HOMER2: variants seen among roughly 807,000 people sequenced by gnomAD.
HOMER2 encodes the protein homer scaffold protein 2, also known as homer protein homolog 2.
A neutral mutation model predicts 47.0 loss-of-function variants in HOMER2; 27 were observed. The ratio of observed to expected loss-of-function variants is 0.57; its 90% CI spans 0.42 to 0.79. The LOEUF (loss-of-function observed/expected upper bound fraction) is 0.79, where lower values mean the gene tolerates loss of function less well. Ranked by LOEUF, HOMER2 falls within the 30% of genes least tolerant of loss-of-function variation. The pLI is 0.00. For missense variants in HOMER2, 443 were observed against 435.0 expected (o/e 1.02, Z -0.16); for synonymous variants, 161 against 163.8 (o/e 0.98, Z 0.13).
At chr15:82,984,708 C>T (rs2030528956) in intron 1 of HOMER2, among the ~76,000 whole-genome samples, 2 of 152,046 alleles carry the variant, frequency 1.3e-5, no homozygotes, top group Admixed American at 1.3e-4. Flanking sequence ...TCCCAGCTCT[C>T]CGGAGGCTGA....
downstream of HOMER2, chr15:82,847,216 A>G (rs577364655): frequency 1.3e-5 from 2 of 152,376 alleles, no homozygotes; most frequent in East Asian, 3.9e-4. Context: ...ACACCAGCTC[A>G]AGGGAACACC....
intron 1 of HOMER2, among the ~76,000 whole-genome samples, chr15:82,908,045 T>C (rs1423552013): frequency 6.6e-6 from 1 of 152,128 alleles, no homozygotes; most frequent in South Asian, 2.1e-4. Context: ...ATGTCCAGAA[T>C]AGGCAAAAAA....
chr15:82,977,132 T>C (rs1265405586), intron 1 of HOMER2, among the ~76,000 whole-genome samples: 2 of 152,196 alleles, frequency 1.3e-5, no homozygotes, highest in Non-Finnish European at 2.9e-5. Context: ...TTACTTTGCA[T>C]TAACAAAAAT....
In HOMER2 at chr15:82,952,521, G is replaced by T. The variant is rs929575348; in HGVS notation, c.5+10C>A. 17 of 1,188,516 alleles carry T rather than the reference G, an allele frequency of 1.4e-5. No homozygotes were observed. The highest frequency in any genetic ancestry group is 1.8e-5 in the Non-Finnish European group (17 of 959,700). The allele number at this position is 1,188,516 out of a possible 1,614,324, so 73.6% of individuals were successfully genotyped here. Reference sequence around the variant, plus strand: ...GGCGCGCGGAGAGCGCGCGGCGCGGGCTCACTCACCCCATCTCCGGCGCTG... The same window carrying T: ...GGCGCGCGGAGAGCGCGCGGCGCGGTCTCACTCACCCCATCTCCGGCGCTG... On this transcript the variant is annotated intron_variant, in intron 1 of 8. Transcript: ENST00000450735.
intron 1 of HOMER2, among the ~76,000 whole-genome samples, chr15:82,967,136 A>G (rs2054681643): frequency 6.6e-6 from 1 of 152,138 alleles, no homozygotes; most frequent in Non-Finnish European, 1.5e-5. Context: ...GGTCCCAGCT[A>G]CTTGGGAGGC....
intron 1 of HOMER2, among the ~76,000 whole-genome samples, chr15:82,980,389 A>G (rs1254344111): frequency 6.6e-6 from 1 of 152,062 alleles, no homozygotes; most frequent in African/African-American, 2.4e-5. Context: ...AAACTAGCCA[A>G]TCCTAAAATG....
intron 1 of HOMER2, among the ~76,000 whole-genome samples, chr15:82,964,918 A>G (rs922318895): frequency 7.2e-5 from 11 of 152,254 alleles, no homozygotes; most frequent in Non-Finnish European, 1.3e-4. Context: ...TTTGGGAAAT[A>G]CTATGCTAAA....
In HOMER2 at chr15:82,849,746, C is replaced by T. The variant is rs199827961; in HGVS notation, c.1001G>A (p.Arg334Gln). 1.4e-5 allele frequency: 22 copies of T among 1,613,774 alleles called. No homozygotes were observed. The highest frequency in any genetic ancestry group is 1.3e-4 in the South Asian group (12 of 91,038). Reference protein sequence around the residue: ...GKIDDLHDFRRGLSKLGTDN With the variant: ...GKIDDLHDFRQGLSKLGTDN ...ATCGGTGCCCAGCTTGGAGAGCCCT[C>T]GGCGGAAGTCATGCAGGTCGTCAAT... Residue 334 changes from arginine (R) to glutamine (Q), a missense_variant, in exon 9 of 9, where the codon CGA (arginine) becomes CAA (glutamine). Arg to Gln is a conservative substitution (Grantham distance 43, BLOSUM62 1). Transcript: ENST00000450735.
intron 1 of HOMER2, among the ~76,000 whole-genome samples, chr15:82,980,582 C>T (rs921938250): frequency 1.3e-5 from 2 of 152,108 alleles, no homozygotes; most frequent in Admixed American, 6.6e-5. Context: ...TTTTTCGGAG[C>T]CTCTCCTGTA....
At chr15:82,955,411 C>T (rs529122255), upstream of HOMER2, among the ~76,000 whole-genome samples, 3 of 149,228 alleles carry the variant, frequency 2.0e-5, no homozygotes, top group East Asian at 2.1e-4. Context: ...CCTTGTGATC[C>T]GCCTGCCTCG....
At chr15:82,881,336 AG>A (rs1481134650) in intron 2 of HOMER2, among the ~76,000 whole-genome samples, 1 of 152,170 alleles carries the variant, frequency 6.6e-6, no homozygotes, top group Non-Finnish European at 1.5e-5. Context: ...TGAAACAGGC[AG>A]GGGGAGACAG....
chr15:82,951,026 T>C (rs1175384510), intron 1 of HOMER2, among the ~76,000 whole-genome samples: 1 of 152,164 alleles, frequency 6.6e-6, no homozygotes, highest in Non-Finnish European at 1.5e-5. Flanking sequence ...AACTCCTTTT[T>C]CCCTGTACAT....
chr15:82,858,963 A>C, intron 5 of HOMER2, 66 bp downstream of exon 5: 1 of 1,540,202 alleles, frequency 6.5e-7, no homozygotes, highest in African/African-American at 1.4e-5. Context: ...CCTGTCCAGC[A>C]AGAAAGGCTT....
At chr15:82,890,062 C>T (rs763655478) in intron 2 of HOMER2, among the ~76,000 whole-genome samples, 3 of 152,076 alleles carry the variant, frequency 2.0e-5, no homozygotes, top group Non-Finnish European at 2.9e-5. Flanking sequence ...CACGAGGTGG[C>T]GGCAGGGCGC....
chr15:82,848,084 G>A (rs1290407898), downstream of HOMER2, among the ~76,000 whole-genome samples: 1 of 152,180 alleles, frequency 6.6e-6, no homozygotes, highest in Admixed American at 6.5e-5. Flanking sequence ...TGGTGCTCCA[G>A]ATGCCCAGCC....
At chr15:82,856,657 G>T (rs1408933301) in intron 5 of HOMER2, among the ~76,000 whole-genome samples, 1 of 152,164 alleles carries the variant, frequency 6.6e-6, no homozygotes, top group Non-Finnish European at 1.5e-5. Context: ...TCTCACAATT[G>T]TCTGATGAGT....
Position 82,920,374 on chromosome 15 carries a change from C to T in HOMER2, c.6-27533G>A, listed in dbSNP as rs751254828. On this transcript the variant is annotated intron_variant, in intron 1 of 8. Transcript: ENST00000450735. Reference sequence around the variant, plus strand: ...CCCACAAACTTGGGGGCTTACATGACAGGAATTTATTTTCTCACAGCTCTG... The same window carrying T: ...CCCACAAACTTGGGGGCTTACATGATAGGAATTTATTTTCTCACAGCTCTG... Among the ~76,000 whole-genome samples, 7 of 152,276 alleles carry T rather than the reference C, an allele frequency of 4.6e-5. No homozygotes were observed. The East Asian group carries it at 1.4e-3, about 29-fold the overall frequency.
chr15:82,899,840 T>C (rs894931121), intron 1 of HOMER2, among the ~76,000 whole-genome samples: 2 of 152,126 alleles, frequency 1.3e-5, no homozygotes, highest in African/African-American at 4.8e-5. Context: ...CTGGCCAACA[T>C]GGCAAAACAC....
chr15:82,861,593 C>G (rs746131578), intron 4 of HOMER2, among the ~76,000 whole-genome samples: 1 of 152,176 alleles, frequency 6.6e-6, no homozygotes, highest in Non-Finnish European at 1.5e-5. Context: ...AACAGCCCCA[C>G]ATTTTAAGTG....
Sources: gnomAD v4.1 joint callset for allele counts (sites outside exome capture counted in the v4.1 genomes callset) on GRCh38, gnomAD v4.1.1 for gene constraint, MANE v1.5 for transcripts, NCBI Gene and HGNC (gene_info 2026-07-23, HGNC 2026-07-21) for gene names.